ZBTB20: variants seen among roughly 807,000 people sequenced by gnomAD.
The protein encoded by ZBTB20 is zinc finger and BTB domain-containing protein 20.
Under a neutral mutation model 56.9 loss-of-function variants are expected in ZBTB20, and 9 were observed. The ratio of observed to expected loss-of-function variants is 0.16; its 90% CI spans 0.10 to 0.28. The LOEUF (loss-of-function observed/expected upper bound fraction) is 0.28. ZBTB20 is among the 10% of genes least tolerant of loss of function. The pLI is 1.00. For synonymous variants in ZBTB20, 417 were observed against 420.7 expected, an observed-to-expected ratio of 0.99 and a Z score of 0.11; for missense variants, 655 against 1,003.0, an observed-to-expected ratio of 0.65 and a Z score of 4.69.
At chr3:114,739,055 C>A (rs1578624521) in intron 5 of ZBTB20, among the ~76,000 whole-genome samples, 1 of 152,086 alleles carries the variant, frequency 6.6e-6, no homozygotes, top group East Asian at 1.9e-4. Flanking sequence ...CAGGTGTGAG[C>A]CATCATGCCT....
chr3:114,567,917 A>G (rs1206770227), intron 6 of ZBTB20, among the ~76,000 whole-genome samples: 1 of 152,246 alleles, frequency 6.6e-6, no homozygotes, highest in Non-Finnish European at 1.5e-5. Context: ...GGTTCCATTG[A>G]TAGCACTTGG....
intron 1 of ZBTB20, among the ~76,000 whole-genome samples, chr3:115,120,012 C>T (rs1456756729): frequency 6.6e-6 from 1 of 151,744 alleles, no homozygotes; most frequent in Non-Finnish European, 1.5e-5. Flanking sequence ...TCAGTGGTTG[C>T]CAGGGGCTGG....
At chr3:114,790,034 C>T (rs1578879195) in intron 5 of ZBTB20, among the ~76,000 whole-genome samples, 1 of 151,984 alleles carries the variant, frequency 6.6e-6, no homozygotes, top group Non-Finnish European at 1.5e-5. Flanking sequence ...CAGACATTTT[C>T]ATTAACAAGA....
rs764553235 is a variant in ZBTB20 at position 114,332,397 on chromosome 3, A to C, written c.*6608T>G. ...TGCTGGATTGTTCTCCTTGTTAAGG[A>C]AATGTTTAAAACTAGTACTCCCGGG... On this transcript the variant is annotated 3_prime_UTR_variant, in exon 12 of 12. Coordinates refer to ENST00000675478, the MANE Select transcript of ZBTB20 (RefSeq NM_001348800.3). 9.9e-5 allele frequency: 15 copies of C among 152,262 alleles called. No homozygotes were observed. The highest frequency in any genetic ancestry group is 2.0e-4 in the Admixed American group (3 of 15,286). The allele number at this position is 152,262 out of a possible 1,614,324, so 9.4% of individuals were successfully genotyped here.
chr3:114,752,972 T>G (rs9683251), intron 5 of ZBTB20, among the ~76,000 whole-genome samples: 9,891 of 152,094 alleles, frequency 0.065, 347 homozygotes, highest in Middle Eastern at 0.13. Context: ...TATTTTAGGG[T>G]TGACAATGCA....
chr3:114,721,855 G>T (rs1478989299), intron 5 of ZBTB20, among the ~76,000 whole-genome samples: 1 of 152,154 alleles, frequency 6.6e-6, no homozygotes. Context: ...TGAATAAAAA[G>T]AAGGAAATAA....
chr3:114,769,808 C>A (rs1333830121), intron 5 of ZBTB20, among the ~76,000 whole-genome samples: 2 of 151,850 alleles, frequency 1.3e-5, no homozygotes, highest in Non-Finnish European at 2.9e-5. Flanking sequence ...CCTGTAATCC[C>A]AGAACTTTGG....
chr3:115,052,584 G>A (rs1233843864), intron 2 of ZBTB20, among the ~76,000 whole-genome samples: 1 of 152,246 alleles, frequency 6.6e-6, no homozygotes, highest in African/African-American at 2.4e-5. Context: ...CTCCTGCAAA[G>A]TTTAACTAAA....
At chr3:114,573,035 A>G (rs935932704) in intron 6 of ZBTB20, among the ~76,000 whole-genome samples, 2 of 152,248 alleles carry the variant, frequency 1.3e-5, no homozygotes, top group African/African-American at 2.4e-5. Context: ...AGAAATTTAG[A>G]AATTACAAAT....
intron 2 of ZBTB20, among the ~76,000 whole-genome samples, chr3:115,005,546 T>C (rs1300947757): frequency 1.3e-5 from 2 of 151,802 alleles, no homozygotes; most frequent in Non-Finnish European, 2.9e-5. Flanking sequence ...TGTCAGGTAC[T>C]CATGTCTTGT....
chr3:114,758,807 T>A (rs983957875), intron 5 of ZBTB20: 1 of 152,178 alleles, frequency 6.6e-6, no homozygotes, highest in Non-Finnish European at 1.5e-5. Context: ...TTTTAAAAAC[T>A]CACCAGACTA....
At chr3:114,376,874 C>T (rs74892964) in intron 10 of ZBTB20, among the ~76,000 whole-genome samples, 151 of 152,178 alleles carry the variant, frequency 9.9e-4, no homozygotes, top group African/African-American at 3.1e-3. Flanking sequence ...GTAGGGAGGA[C>T]GGCCACAGGG....
In ZBTB20 at chr3:114,666,389, G is replaced by A. The variant is rs181952267; in HGVS notation, c.-295+27139C>T. ...TGAAAGAATTCTAAAAAATCTGTTA[G>A]ACTTTCTTCTACAAGTTTGCCTATT... On this transcript the variant is annotated intron_variant, in intron 6 of 11. Transcript: ENST00000675478. Among the ~76,000 whole-genome samples, 662 of 152,042 alleles carry A rather than the reference G, an allele frequency of 4.4e-3. 5 individuals are homozygous for A. The highest frequency in any genetic ancestry group is 3.7e-3 in the Non-Finnish European group (252 of 67,934).
chr3:114,319,224 T>C lies in ZBTB20; in HGVS notation c.*19781A>G, dbSNP rs1456594908. The C allele has an allele frequency of 6.6e-6, 1 of 151,258 alleles. No homozygotes were observed. The highest frequency in any genetic ancestry group is 1.5e-5 in the Non-Finnish European group (1 of 67,854). 9.4% of individuals were successfully genotyped at this position (151,258 alleles called of 1,614,324 possible). The stretch of plus-strand genomic sequence containing the variant: ...TGTACCAATAAAATGCATTCAAAAA[T>C]AGAAAATATTACACAACAAAAATAT... On this transcript the variant is annotated 3_prime_UTR_variant, in exon 12 of 12. Transcript: ENST00000675478.
At chr3:114,512,686 C>A (rs1437198722) in intron 6 of ZBTB20, among the ~76,000 whole-genome samples, 1 of 152,120 alleles carries the variant, frequency 6.6e-6, no homozygotes, top group Non-Finnish European at 1.5e-5. Context: ...TCTCAAACAG[C>A]CATGAAAATA....
At chr3:114,739,925 T>G (rs2066454920) in intron 5 of ZBTB20, among the ~76,000 whole-genome samples, 1 of 152,228 alleles carries the variant, frequency 6.6e-6, no homozygotes, top group Non-Finnish European at 1.5e-5. Flanking sequence ...TATGCTTATG[T>G]ACACATGGTG....
chr3:114,684,966 A>T (rs2062241055), intron 6 of ZBTB20, among the ~76,000 whole-genome samples: 1 of 152,144 alleles, frequency 6.6e-6, no homozygotes, highest in Non-Finnish European at 1.5e-5. Context: ...GTTGCACAGA[A>T]TCTAAATGTC....
intron 2 of ZBTB20, among the ~76,000 whole-genome samples, chr3:115,013,087 T>C (rs575343111): frequency 3.3e-5 from 5 of 151,862 alleles, no homozygotes; most frequent in Non-Finnish European, 7.4e-5. Flanking sequence ...GGGAAGTTTA[T>C]AGCTTTAAGT....
intron 5 of ZBTB20, among the ~76,000 whole-genome samples, chr3:114,780,619 C>CTG (rs1166583485): frequency 2.0e-5 from 3 of 152,150 alleles, no homozygotes; most frequent in African/African-American, 7.2e-5. Flanking sequence ...TCCTGAGTAG[C>CTG]TGGAACAACA....
Sources: allele counts gnomAD v4.1 joint callset (sites outside exome capture counted in the v4.1 genomes callset), GRCh38; gene constraint gnomAD v4.1.1; transcripts MANE v1.5; gene names NCBI Gene and HGNC (gene_info 2026-07-23, HGNC 2026-07-21).